The following NBPF12 variants were observed in gnomAD, a reference collection of about 807,000 sequenced individuals.
The protein encoded by NBPF12 is NBPF member 12, also known as NBPF family member NBPF12.
NBPF12 carries 115 observed loss-of-function variants against 146.4 expected under a neutral mutation model. The observed-to-expected ratio is 0.79, with a 90% CI of 0.68 to 0.92. The LOEUF is 0.92. Among genes scored for constraint, NBPF12 ranks in the 40% least tolerant of loss-of-function variants. NBPF12 has a pLI of 0.00. For missense variants in NBPF12, 1,205 were observed against 1,326.8 expected, an observed-to-expected ratio of 0.91 and a Z score of 1.43; for synonymous variants, 385 against 508.9, an observed-to-expected ratio of 0.76 and a Z score of 3.28.
In NBPF12 at chr1:146,973,817, A is replaced by T. The variant is rs1326858599; in HGVS notation, c.1801+857A>T. On this transcript the variant is annotated intron_variant, in intron 14 of 33. Transcript: ENST00000617844. ...ATAATAATGAGAAATAAAAATAAGA[A>T]TAAAAAGCAGAGAGTAGCTTGGTGA... Among the ~76,000 whole-genome samples, 266 of 146,888 alleles carry T rather than the reference A, an allele frequency of 1.8e-3. 9 individuals are homozygous for T. The highest frequency in any genetic ancestry group is 3.1e-3 in the Non-Finnish European group (208 of 67,470).
chr1:146,960,005 C>T, exon 3 of NBPF12: 1 of 378,810 alleles, frequency 2.6e-6, no homozygotes, highest in East Asian at 4.3e-5. Flanking sequence ...TTTTTCACAA[C>T]AGTAAGTTAA....
Position 146,938,749 on chromosome 1 carries a change from C to G in NBPF12, c.-1055C>G, listed in dbSNP as rs1287529032. 7.9e-5 allele frequency: 12 copies of G among 152,438 alleles called. No homozygotes were observed. The East Asian group carries it at 2.3e-3, about 30-fold the overall frequency. The allele number at this position is 152,438 out of a possible 1,614,324, so 9.4% of individuals were successfully genotyped here. On this transcript the variant is annotated 5_prime_UTR_variant, in exon 1 of 36. Coordinates refer to the NBPF12 transcript ENST00000617931. Reference sequence around the variant, plus strand: ...TCTCCTGACACGGCCCATCCGGACCCTGAGGAGCCAGCGGGCCGCAAGCAA... The same window carrying G: ...TCTCCTGACACGGCCCATCCGGACCGTGAGGAGCCAGCGGGCCGCAAGCAA...
At chr1:146,939,553 G>A (rs12136564) in intron 1 of NBPF12, among the ~76,000 whole-genome samples, 37,502 of 151,678 alleles carry the variant, frequency 0.25, 5,108 homozygotes, top group South Asian at 0.47. Flanking sequence ...CTGGTAGGTT[G>A]GACTGTGGTG....
chr1:146,994,319 T>A lies in NBPF12; in HGVS notation c.4131-13T>A, dbSNP rs1224700481. On this transcript the variant is annotated splice_polypyrimidine_tract_variant and intron_variant, in intron 33 of 33. Transcript: ENST00000617844. The stretch of plus-strand genomic sequence containing the variant: ...TTCCCTGGCTGCTTCTTTAGTTTTG[T>A]CTCCTTTTCCAGGCTCAACAGCGTG... 1.9e-6 allele frequency: 3 copies of A among 1,611,522 alleles called. No individual in the cohort carries two copies. Among genetic ancestry groups the A allele is most frequent in the Non-Finnish European group, 2.5e-6 (3 of 1,179,756 alleles).
chr1:146,961,186 TAAA>T (rs1655827716), intron 4 of NBPF12, among the ~76,000 whole-genome samples: 1 of 151,854 alleles, frequency 6.6e-6, no homozygotes, highest in South Asian at 2.1e-4. Flanking sequence ...AAAATAAAAA[TAAA>T]AAGCAGAGAG....
chr1:146,966,155 G>T (rs1656193414), intron 8 of NBPF12, among the ~76,000 whole-genome samples: 1 of 151,882 alleles, frequency 6.6e-6, no homozygotes, highest in African/African-American at 2.4e-5. Flanking sequence ...AAAGCAAAAT[G>T]AAATCTTTTG....
At chr1:146,978,260 A>AT (rs1187524068) in intron 18 of NBPF12, among the ~76,000 whole-genome samples, 6,767 of 83,796 alleles carry the variant, frequency 0.081, 702 homozygotes, top group African/African-American at 0.14. Context: ...AGCGTCGTAG[A>AT]TTTTTTTTTT....
chr1:146,963,285 C>G (rs1414914912), exon 6 of NBPF12: 12 of 1,611,914 alleles, frequency 7.4e-6, no homozygotes, highest in Non-Finnish European at 1.0e-5. Context: ...ACTGGCACAG[C>G]AACTTGTCCA....
At chr1:146,964,316 G>A (rs1378492787) in intron 6 of NBPF12, 41 bp from the exon 10 acceptor site, 21 of 1,598,892 alleles carry the variant, frequency 1.3e-5, no homozygotes, top group African/African-American at 2.7e-5. Flanking sequence ...CTTGCAGAAT[G>A]TGAAGTGGGA....
chr1:146,951,011 T>A (rs1408474185), intron 1 of NBPF12, among the ~76,000 whole-genome samples: 2 of 152,060 alleles, frequency 1.3e-5, no homozygotes, highest in Non-Finnish European at 2.9e-5. Context: ...TTTATACTAT[T>A]GTACATTCCA....
exon 8 of NBPF12, chr1:146,964,981 G>A (rs1656096160): frequency 2.5e-6 from 4 of 1,607,194 alleles, no homozygotes; most frequent in Non-Finnish European, 3.4e-6. Flanking sequence ...CGGCCCTTGT[G>A]ACTCCATCCA....
intron 4 of NBPF12, among the ~76,000 whole-genome samples, chr1:146,961,846 G>T (rs1449389978): frequency 4.5e-4 from 68 of 152,124 alleles, no homozygotes; most frequent in Non-Finnish European, 6.6e-4. Context: ...AGGCTGCAAG[G>T]CTTGGGAAAG....
chr1:146,945,181 TCTA>T (rs1193462433), upstream of NBPF12, among the ~76,000 whole-genome samples: 2 of 151,410 alleles, frequency 1.3e-5, no homozygotes, highest in African/African-American at 4.9e-5. Context: ...TCCTTTTTGT[TCTA>T]CTATTTTAAA....
intron 6 of NBPF12, 118 bp downstream of exon 9, chr1:146,963,427 G>A (rs1453043346): frequency 1.8e-5 from 29 of 1,594,514 alleles, no homozygotes; most frequent in Non-Finnish European, 2.2e-5. Context: ...CACATATGTG[G>A]CCATGACATG....
At chr1:146,948,278 A>G (rs1313123175), upstream of NBPF12, among the ~76,000 whole-genome samples, 8 of 151,914 alleles carry the variant, frequency 5.3e-5, no homozygotes, top group African/African-American at 1.9e-4. Context: ...TCAAAGTGCT[A>G]GGATTACAGA....
At chr1:146,955,939 G>T (rs1282924572) in intron 2 of NBPF12, among the ~76,000 whole-genome samples, 1 of 150,742 alleles carries the variant, frequency 6.6e-6, no homozygotes, top group Non-Finnish European at 1.5e-5. Context: ...AAAACTCTTG[G>T]TGGGCTTTTG....
rs1425013800 is a variant in NBPF12, at chr1:146,960,342, A to C, written c.175+24A>C. 6.2e-5 allele frequency: 91 copies of C among 1,467,942 alleles called. 1 individual carries two copies. In the Middle Eastern group the frequency reaches 3.1e-3, roughly 50 times the overall value. 90.9% of individuals were successfully genotyped at this position (1,467,942 alleles called of 1,614,324 possible). On this transcript the variant is annotated intron_variant, in intron 4 of 33. Coordinates refer to ENST00000617844, the Ensembl canonical transcript of NBPF12. ...CAGTAAGATCTATAGGCTCACCATC[A>C]TGAAAGTGATGAATGATGTCCTGTC... is the stretch of plus-strand genomic sequence containing the variant.
intron 10 of NBPF12, among the ~76,000 whole-genome samples, chr1:146,968,992 T>G (rs1250457214): frequency 6.6e-6 from 1 of 151,610 alleles, no homozygotes; most frequent in Non-Finnish European, 1.5e-5. Flanking sequence ...TCACCCCATC[T>G]GCATCTGGCC....
chr1:146,980,212 G>C (rs1474740439), intron 19 of NBPF12, among the ~76,000 whole-genome samples: 1 of 152,036 alleles, frequency 6.6e-6, no homozygotes, highest in Non-Finnish European at 1.5e-5. Flanking sequence ...GTGTGTCTCT[G>C]CATGTGAGAT....
Sources: gnomAD v4.1 joint callset for allele counts (sites outside exome capture counted in the v4.1 genomes callset) on GRCh38, gnomAD v4.1.1 for gene constraint, MANE v1.5 for transcripts, NCBI Gene and HGNC (gene_info 2026-07-23, HGNC 2026-07-21) for gene names.